The following DQX1 variants were observed in gnomAD, a reference collection of about 807,000 sequenced individuals.
DQX1 encodes the protein DEAQ-box RNA dependent ATPase 1.
DQX1 carries 66 observed loss-of-function variants against 81.3 expected under a neutral mutation model. That is an observed-to-expected ratio of 0.81 (90% CI 0.67 to 1.00). The LOEUF is 1.00. DQX1 is among the 50% of genes least tolerant of loss of function. The pLI, the probability that DQX1 is intolerant of heterozygous loss-of-function variation, is 0.00. For missense variants in DQX1, 798 were observed against 867.9 expected, an observed-to-expected ratio of 0.92 and a Z score of 1.01; for synonymous variants, 290 against 350.0, an observed-to-expected ratio of 0.83 and a Z score of 1.91.
In DQX1 at chr2:74,519,178, T is replaced by A; in HGVS notation, c.1859A>T (p.His620Leu). The A allele has an allele frequency of 6.2e-7, 1 of 1,610,720 alleles. No homozygotes were observed. The highest frequency in any genetic ancestry group is 8.5e-7 in the Non-Finnish European group (1 of 1,178,282). ...TGNYLLLTHKHVAQLSSYCCY... is the reference protein window; with the variant it reads ...TGNYLLLTHKLVAQLSSYCCY... ...GCAGTATGAGGAGAGCTGGGCCACA[T>A]GCTTATGGGTTAGGAGAAGGTAATT... The change falls in exon 11 of 12, where the codon CAT becomes CTT. Residue 620 changes from histidine (H) to leucine (L), a missense_variant. By Grantham distance (99) the His-to-Leu change is moderately conservative. Coordinates refer to ENST00000404568, the MANE Select transcript of DQX1 (RefSeq NM_133637.3).
chr2:74,518,572 C>A lies in DQX1; in HGVS notation c.2028G>T (p.Leu676=). The change falls in exon 12 of 12, where the codon CTG becomes CTT. Residue 676 remains leucine (L), a synonymous_variant. Coordinates refer to ENST00000404568, the MANE Select transcript of DQX1 (RefSeq NM_133637.3). ...MLVELAPPYF[L]SNLPPSESRD... ...TGCTCTCACTGGGAGGCAAGTTACT[C>A]AGGAAGTATGGAGGGGCCAATTCCA... The A allele has an allele frequency of 6.2e-7, 1 of 1,614,160 alleles. No individual in the cohort carries two copies.
intron 10 of DQX1, 31 bp downstream of exon 10, chr2:74,519,525 G>T: frequency 6.2e-7 from 1 of 1,602,744 alleles, no homozygotes; most frequent in African/African-American, 1.3e-5. Flanking sequence ...TTGCTCCTTT[G>T]ATCACCCTCA....
chr2:74,523,206 TA>T lies in DQX1; in HGVS notation c.1056del (p.Arg353GlyfsTer9). 6.2e-7 allele frequency: 1 copy of T among 1,614,218 alleles called. No homozygotes were observed. Among genetic ancestry groups the T allele is most frequent in the South Asian group, 1.1e-5 (1 of 91,092 alleles). ...AACACTTGGAATTCTGCTCGGATCC[TA>T]GGATTGTAAACCTGTTGCCCGTCCC... ...SGLELRSVYN[P>X]RIRAEFQVLR... On this transcript the variant is annotated frameshift_variant, in exon 6 of 12. Coordinates refer to ENST00000404568, the MANE Select transcript of DQX1 (RefSeq NM_133637.3). LOFTEE classifies it high-confidence loss of function.
Position 74,519,652 on chromosome 2 carries a change from C to T in DQX1, c.1710G>A (p.Met570Ile), listed in dbSNP as rs759725464. ...HKLRGELLEL[M>I]QRIELPLSLP... Reference sequence around the variant, plus strand: ...GGGACAAGGGAAGTTCAATTCGTTGCATGAGTTCTAGGAGTTCTCCCCGAA... The same window carrying T: ...GGGACAAGGGAAGTTCAATTCGTTGTATGAGTTCTAGGAGTTCTCCCCGAA... The change falls in exon 10 of 12, where the codon ATG becomes ATA. Residue 570 changes from methionine to isoleucine, a missense_variant. By Grantham distance (10) the Met-to-Ile change is conservative (BLOSUM62 1). Coordinates refer to ENST00000404568, the MANE Select transcript of DQX1 (RefSeq NM_133637.3). The T allele has an allele frequency of 3.7e-6, 6 of 1,614,126 alleles. No homozygotes were observed. The African/African-American group carries it at 6.7e-5, about 18-fold the overall frequency.
chr2:74,522,866 C>T lies in DQX1; in HGVS notation c.1293G>A (p.Leu431=), dbSNP rs781518203. 4.3e-6 allele frequency: 7 copies of T among 1,613,712 alleles called. 1 individual carries two copies. The South Asian group carries it at 4.4e-5, about 10-fold the overall frequency. ...AGGAGAGGTGCTCACCAGGCTGGTC[C>T]AGGAAGTGACACTCCCCTGGCTCTG... is the stretch of plus-strand genomic sequence containing the variant. ...QIAEPGECHF[L]DQPAPEALMQ... The change falls in exon 7 of 12, where the codon CTG becomes CTA. Residue 431 remains leucine (L), a synonymous_variant. Transcript: ENST00000404568.
chr2:74,523,490 CA>C lies in DQX1; in HGVS notation c.863del (p.Leu288CysfsTer74). ...CESLSREVES[L>X]LLQGLPPRVL... ...CTCGTGGTGGAAGCCCTTGGAGAAGCAAGGACTCTACCTCCCTGGACAAGGA... is the reference window on the plus strand; with the variant it reads ...CTCGTGGTGGAAGCCCTTGGAGAAGCAGGACTCTACCTCCCTGGACAAGGA... On this transcript the variant is annotated frameshift_variant, in exon 5 of 12. Transcript: ENST00000404568. LOFTEE classifies it high-confidence loss of function. 6.2e-7 allele frequency: 1 copy of C among 1,612,752 alleles called. No homozygotes were observed. The highest frequency in any genetic ancestry group is 8.5e-7 in the Non-Finnish European group (1 of 1,179,280).
chr2:74,521,683 G>A (rs1341466350), intron 8 of DQX1, among the ~76,000 whole-genome samples: 1 of 149,398 alleles, frequency 6.7e-6, no homozygotes, highest in African/African-American at 2.5e-5. Flanking sequence ...AAAAAGAAAC[G>A]TTCATCAGGA....
rs763792395 is a variant in DQX1, at chr2:74,524,027, C to A, written c.712G>T (p.Asp238Tyr). ...TCCACCCGATCAGGTGGGATGGTGT[C>A]CCAGTAGATGGGGGAAGGTCTCTCA... The part of the protein sequence containing the change: ...PGERPSPIYW[D>Y]TIPPDRVEAA... The change falls in exon 4 of 12, where the codon GAC becomes TAC. Residue 238 changes from aspartate to tyrosine, a missense_variant. Physicochemically the swap from Asp to Tyr is radical, Grantham distance 160 (BLOSUM62 -3). Transcript: ENST00000404568. 3.7e-6 allele frequency: 6 copies of A among 1,614,188 alleles called. No individual in the cohort carries two copies. The highest frequency in any genetic ancestry group is 1.1e-5 in the South Asian group (1 of 91,084).
Position 74,525,423 on chromosome 2 carries a change from C to A in DQX1, c.237+70G>T. The A allele has an allele frequency of 6.8e-7, 1 of 1,480,798 alleles. No individual in the cohort carries two copies. Among genetic ancestry groups the A allele is most frequent in the South Asian group, 1.3e-5 (1 of 78,926 alleles). 91.7% of individuals were successfully genotyped at this position (1,480,798 alleles called of 1,614,324 possible). Reference sequence around the variant, plus strand: ...CCTTGCCCAGGGAAAGGCCACTTTCCCTTTGTCCTCCCTTTGTCCTCCCTT... The same window carrying A: ...CCTTGCCCAGGGAAAGGCCACTTTCACTTTGTCCTCCCTTTGTCCTCCCTT... On this transcript the variant is annotated intron_variant, in intron 2 of 11. Transcript: ENST00000404568. The surrounding 1 kb of genome is among the most constrained non-coding windows in gnomAD (Gnocchi z 4.1).
intron 10 of DQX1, 87 bp downstream of exon 10, chr2:74,519,469 G>A (rs538310553): frequency 4.0e-5 from 61 of 1,522,518 alleles, no homozygotes; most frequent in Non-Finnish European, 5.2e-5. Context: ...TGGCCACCTG[G>A]ACCCTGATTT....
At position 74,525,575 on chromosome 2, in the gene DQX1, A is replaced by G; in HGVS notation, c.155T>C (p.Phe52Ser). Reference sequence around the variant, plus strand: ...ACTCTCCAACTGCTCCAAGAAGGTAAAGCGAGCAGCCCAGATGGGCAAGGC... The same window carrying G: ...ACTCTCCAACTGCTCCAAGAAGGTAGAGCGAGCAGCCCAGATGGGCAAGGC... ...RQALPIWAAR[F>S]TFLEQLESNP... The change falls in exon 2 of 12, where the codon TTT (phenylalanine) becomes TCT (serine). Residue 52 changes from phenylalanine to serine, a missense_variant. Phe to Ser is a radical substitution (Grantham distance 155). Transcript: ENST00000404568. The surrounding 1 kb of genome is among the most constrained non-coding windows in gnomAD (Gnocchi z 4.1). 3 of 1,552,128 alleles carry G rather than the reference A, an allele frequency of 1.9e-6. No homozygotes were observed. Among genetic ancestry groups the G allele is most frequent in the Non-Finnish European group, 2.6e-6 (3 of 1,147,094 alleles).
intron 8 of DQX1, 110 bp downstream of exon 8, chr2:74,522,469 AG>A (rs1675053232): frequency 1.5e-6 from 2 of 1,314,198 alleles, no homozygotes; most frequent in African/African-American, 1.5e-5. Flanking sequence ...AGGCATTGTG[AG>A]GGGTGGCAAC....
rs369335495 is a variant in DQX1, at chr2:74,518,558, G to C, written c.2042C>G (p.Pro681Arg). The change falls in exon 12 of 12, where the codon CCC becomes CGC. Residue 681 changes from proline to arginine, a missense_variant. Physicochemically the swap from Pro to Arg is moderately radical, Grantham distance 103. Transcript: ENST00000404568. Reference sequence around the variant, plus strand: ...GTTCAGAAGGTCTCTGCTCTCACTGGGAGGCAAGTTACTCAGGAAGTATGG... The same window carrying C: ...GTTCAGAAGGTCTCTGCTCTCACTGCGAGGCAAGTTACTCAGGAAGTATGG... ...APPYFLSNLP[P>R]SESRDLLNQL... The C allele has an allele frequency of 1.6e-5, 26 of 1,614,008 alleles. No homozygotes were observed. In the African/African-American group the frequency reaches 3.5e-4, roughly 22 times the overall value.
chr2:74,519,345 C>T (rs1674967665), intron 10 of DQX1, 115 bp from the exon 11 acceptor site: 1 of 1,312,678 alleles, frequency 7.6e-7, no homozygotes, highest in East Asian at 2.4e-5. Flanking sequence ...AAAAGTAAAG[C>T]ATTACCTCTA....
intron 9 of DQX1, 76 bp downstream of exon 9, chr2:74,519,839 G>C: frequency 1.2e-5 from 19 of 1,602,198 alleles, no homozygotes; most frequent in Non-Finnish European, 1.5e-5. Flanking sequence ...TCTGAGCATA[G>C]AGATCTGTCA....
In DQX1 at chr2:74,518,555, C is replaced by T. The variant is rs746205783; in HGVS notation, c.2045G>A (p.Ser682Asn). Reference sequence around the variant, plus strand: ...CTGGTTCAGAAGGTCTCTGCTCTCACTGGGAGGCAAGTTACTCAGGAAGTA... The same window carrying T: ...CTGGTTCAGAAGGTCTCTGCTCTCATTGGGAGGCAAGTTACTCAGGAAGTA... ...PPYFLSNLPP[S>N]ESRDLLNQLR... The change falls in exon 12 of 12, where the codon AGT (serine) becomes AAT (asparagine). Residue 682 changes from serine to asparagine, a missense_variant. Coordinates refer to ENST00000404568, the MANE Select transcript of DQX1 (RefSeq NM_133637.3). The T allele has an allele frequency of 6.2e-7, 1 of 1,614,184 alleles. No individual in the cohort carries two copies. The highest frequency in any genetic ancestry group is 1.7e-5 in the Admixed American group (1 of 60,012).
intron 10 of DQX1, 151 bp downstream of exon 10, chr2:74,519,405 G>T: frequency 7.7e-7 from 1 of 1,293,686 alleles, no homozygotes; most frequent in Non-Finnish European, 1.1e-6. Context: ...ATAGCCCCTT[G>T]TACCTCAAAT....
rs767765043 is a variant in DQX1 at position 74,522,839 on chromosome 2, G to C, written c.1303+17C>G. 3.7e-6 allele frequency: 6 copies of C among 1,612,662 alleles called. No homozygotes were observed. The highest frequency in any genetic ancestry group is 5.1e-6 in the Non-Finnish European group (6 of 1,178,774). ...TGGGTGGTCAGATGGCAGTGCTTGGGCAGGAGAGGTGCTCACCAGGCTGGT... is the reference window on the plus strand; with the variant it reads ...TGGGTGGTCAGATGGCAGTGCTTGGCCAGGAGAGGTGCTCACCAGGCTGGT... On this transcript the variant is annotated intron_variant, in intron 7 of 11. Transcript: ENST00000404568.
In DQX1 at chr2:74,523,936, A is replaced by G; in HGVS notation, c.803T>C (p.Leu268Pro). 3 of 1,595,704 alleles carry G rather than the reference A, an allele frequency of 1.9e-6. No homozygotes were observed. Among genetic ancestry groups the G allele is most frequent in the Non-Finnish European group, 1.7e-6 (2 of 1,167,496 alleles). Residue 268 changes from leucine to proline, a missense_variant, in exon 4 of 12, where the codon CTG becomes CCG. Physicochemically the swap from Leu to Pro is moderately conservative, Grantham distance 98 (BLOSUM62 -3). Transcript: ENST00000404568. ...KELPGDVLVF[L>P]PSEEEISLCC... is the part of the protein sequence containing the mutation. ...TTTGTTTTTTACCTCCTCACTGGGC[A>G]GGAACACTAGCACATCTCCTGGAAG...
Sources: allele counts gnomAD v4.1 joint callset (sites outside exome capture counted in the v4.1 genomes callset), GRCh38; gene constraint gnomAD v4.1.1; non-coding constraint Gnocchi (gnomAD v3.1); transcripts MANE v1.5; gene names NCBI Gene and HGNC (gene_info 2026-07-23, HGNC 2026-07-21).